The following NALF1 variants were observed in gnomAD, a reference collection of about 807,000 sequenced individuals.
NALF1 encodes NALCN channel auxiliary factor 1, also known as family with sequence similarity 155 member A.
Under a neutral mutation model 48.4 loss-of-function variants are expected in NALF1, and 3 were observed. The ratio of observed to expected loss-of-function variants is 0.06; its 90% confidence interval spans 0.03 to 0.16. The LOEUF is 0.16. Ranked by LOEUF, NALF1 falls within the 10% of genes least tolerant of loss-of-function variation. The pLI, the probability that NALF1 is intolerant of heterozygous loss-of-function variation, is 1.00. For synonymous variants in NALF1, 262 were observed against 245.7 expected (o/e 1.07, Z -0.62); for missense variants, 526 against 571.5 (o/e 0.92, Z 0.81).
chr13:107,641,597 T>C (rs1346725423), intron 1 of NALF1, among the ~76,000 whole-genome samples: 1 of 152,134 alleles, frequency 6.6e-6, no homozygotes. Context: ...ATAAAAATAA[T>C]AGTAACATCA....
At chr13:107,779,454 C>T (rs139524475) in intron 1 of NALF1, among the ~76,000 whole-genome samples, 44 of 152,304 alleles carry the variant, frequency 2.9e-4, no homozygotes, top group African/African-American at 9.9e-4. Flanking sequence ...GCTTCCAAAT[C>T]GGATCCAGTG....
intron 1 of NALF1, among the ~76,000 whole-genome samples, chr13:107,643,412 A>G (rs961422369): frequency 2.0e-5 from 3 of 152,136 alleles, no homozygotes; most frequent in African/African-American, 4.8e-5. Context: ...AAACTGGAAT[A>G]TGACACAGTT....
intron 1 of NALF1, among the ~76,000 whole-genome samples, chr13:107,214,573 A>C (rs1311476692): frequency 1.3e-5 from 2 of 152,182 alleles, no homozygotes; most frequent in African/African-American, 4.8e-5. Flanking sequence ...CAGTGCCTCC[A>C]TCTACCCAAG....
intron 1 of NALF1, among the ~76,000 whole-genome samples, chr13:107,366,538 C>A (rs936346834): frequency 6.6e-6 from 1 of 152,142 alleles, no homozygotes; most frequent in South Asian, 2.1e-4. Flanking sequence ...TTATGATAGC[C>A]ATCATTTTCC....
At chr13:107,272,778 G>T (rs909843893) in intron 1 of NALF1, among the ~76,000 whole-genome samples, 1 of 152,136 alleles carries the variant, frequency 6.6e-6, no homozygotes, top group African/African-American at 2.4e-5. Flanking sequence ...AAAGCCTTGA[G>T]AAAACTTTCA....
intron 1 of NALF1, among the ~76,000 whole-genome samples, chr13:107,855,745 T>C (rs1216208453): frequency 6.6e-6 from 1 of 152,238 alleles, no homozygotes; most frequent in Admixed American, 6.5e-5. Flanking sequence ...TACTTACCTA[T>C]GAGAATGTTC....
chr13:107,449,490 A>G (rs141133547), intron 1 of NALF1, among the ~76,000 whole-genome samples: 2 of 152,316 alleles, frequency 1.3e-5, no homozygotes, highest in East Asian at 3.9e-4. Context: ...AAAGAATAAA[A>G]GTGAGGCGTT....
At chr13:107,727,592 G>A (rs1000579840) in intron 1 of NALF1, among the ~76,000 whole-genome samples, 10 of 152,280 alleles carry the variant, frequency 6.6e-5, no homozygotes, top group South Asian at 6.2e-4. Context: ...GAAAACCTAC[G>A]TGACGCCATT....
At chr13:107,496,659 AAG>A (rs1875347226) in intron 1 of NALF1, among the ~76,000 whole-genome samples, 1 of 152,194 alleles carries the variant, frequency 6.6e-6, no homozygotes, top group Non-Finnish European at 1.5e-5. Flanking sequence ...GCTGCTGAAA[AAG>A]ACATACGTGA....
intron 2 of NALF1, among the ~76,000 whole-genome samples, chr13:107,188,500 A>G (rs1318137688): frequency 1.3e-5 from 2 of 152,114 alleles, no homozygotes; most frequent in Middle Eastern, 3.2e-3. Context: ...ATACATTTAT[A>G]ATTTTTATCA....
intron 1 of NALF1, among the ~76,000 whole-genome samples, chr13:107,820,920 C>G (rs1003889842): frequency 5.9e-5 from 9 of 152,156 alleles, no homozygotes; most frequent in African/African-American, 2.2e-4. Context: ...TCCGGCACTA[C>G]CTGCATTCTC....
At chr13:107,504,778 G>A (rs58348781) in intron 1 of NALF1, among the ~76,000 whole-genome samples, 3,401 of 152,192 alleles carry the variant, frequency 0.022, 124 homozygotes, top group African/African-American at 0.078. Context: ...TGCATCTGCT[G>A]CCATTCTAAC....
At chr13:107,365,595 A>G (rs941576434) in intron 1 of NALF1, among the ~76,000 whole-genome samples, 2 of 152,202 alleles carry the variant, frequency 1.3e-5, no homozygotes, top group Non-Finnish European at 2.9e-5. Flanking sequence ...ATCAAAACTT[A>G]CATTTCAACG....
At chr13:107,494,669 T>C (rs1399156892) in intron 1 of NALF1, among the ~76,000 whole-genome samples, 2 of 152,198 alleles carry the variant, frequency 1.3e-5, no homozygotes, top group East Asian at 3.8e-4. Flanking sequence ...GTGCTTTGTA[T>C]CAAGGTGTTA....
intron 1 of NALF1, among the ~76,000 whole-genome samples, chr13:107,588,952 G>C (rs1206751542): frequency 2.0e-5 from 3 of 152,078 alleles, no homozygotes; most frequent in Non-Finnish European, 4.4e-5. Flanking sequence ...CAAAGGTTAA[G>C]ACACATTTCT....
In NALF1 at chr13:107,243,825, C is replaced by T. The variant is rs1001728875; in HGVS notation, c.916-33070G>A. Among the ~76,000 whole-genome samples, 11 of 152,132 alleles carry T rather than the reference C, an allele frequency of 7.2e-5. No individual in the cohort carries two copies. In the East Asian group the frequency reaches 9.6e-4, roughly 13 times the overall value. On this transcript the variant is annotated intron_variant, in intron 1 of 2. Transcript: ENST00000375915. ...CCTCTGCTGTGGCTACAGGAGGCGG[C>T]GGCAAGCAGGACACAGAGAAGTGAT...
intron 1 of NALF1, among the ~76,000 whole-genome samples, chr13:107,763,662 G>T (rs1385020081): frequency 6.6e-6 from 1 of 152,100 alleles, no homozygotes; most frequent in Middle Eastern, 3.2e-3. Context: ...GAAAATAGCT[G>T]ATGACTTCGG....
At chr13:107,590,689 T>A (rs749933207) in intron 1 of NALF1, among the ~76,000 whole-genome samples, 3 of 152,008 alleles carry the variant, frequency 2.0e-5, no homozygotes, top group Admixed American at 6.6e-5. Flanking sequence ...CATGTGTGAA[T>A]TTCTCTAAGC....
intron 1 of NALF1, among the ~76,000 whole-genome samples, chr13:107,766,590 CT>C (rs1877424815): frequency 1.3e-5 from 2 of 152,080 alleles, no homozygotes; most frequent in Admixed American, 6.6e-5. Flanking sequence ...AGCAGATGGG[CT>C]AAGTGTCAAA....
Sources: gnomAD v4.1 joint callset for allele counts (sites outside exome capture counted in the v4.1 genomes callset) on GRCh38, gnomAD v4.1.1 for gene constraint, MANE v1.5 for transcripts, NCBI Gene and HGNC (gene_info 2026-07-23, HGNC 2026-07-21) for gene names.